The following NUP214 variants were observed in gnomAD, a reference collection of about 807,000 sequenced individuals.
NUP214 encodes the protein nucleoporin 214, also known as nuclear pore complex protein Nup214.
A neutral mutation model predicts 196.2 loss-of-function variants in NUP214; 79 were observed. That is an observed-to-expected ratio of 0.40 (90% CI 0.34 to 0.49). NUP214 has a LOEUF of 0.49. Ranked by LOEUF, NUP214 falls within the 20% of genes least tolerant of loss-of-function variation. NUP214 has a pLI of 0.58. For missense variants in NUP214, 2,468 were observed against 2,539.0 expected (o/e 0.97, Z 0.60); for synonymous variants, 1,020 against 990.5 (o/e 1.03, Z -0.56).
At chr9:131,230,437 TCCTAGAG>T in intron 33 of NUP214, 186 bp from the exon 34 acceptor site, 1 of 604,046 alleles carries the variant, frequency 1.7e-6, no homozygotes, top group African/African-American at 1.9e-5. Flanking sequence ...CCATTTTTCT[TCCTAGAG>T]CAGAGATAAA....
At chr9:131,170,806 T>TATC (rs1832935092) in intron 21 of NUP214, among the ~76,000 whole-genome samples, 2 of 150,762 alleles carry the variant, frequency 1.3e-5, no homozygotes, top group African/African-American at 4.9e-5. Flanking sequence ...TTATTATCAT[T>TATC]ATTATTATTA....
intron 17 of NUP214, among the ~76,000 whole-genome samples, chr9:131,157,253 C>T (rs1030685151): frequency 3.3e-5 from 5 of 151,892 alleles, no homozygotes; most frequent in East Asian, 3.9e-4. Flanking sequence ...GCCTCGAACT[C>T]GGGCTCAAGT....
At chr9:131,215,397 T>C in intron 31 of NUP214, 29 bp downstream of exon 31, 1 of 1,529,370 alleles carries the variant, frequency 6.5e-7, no homozygotes, top group Non-Finnish European at 8.8e-7. Flanking sequence ...TCCCAGTCCC[T>C]TGGTCCCCTA....
Position 131,197,285 on chromosome 9 carries a change from C to T in NUP214, c.3791C>T (p.Ser1264Phe). Residue 1264 changes from serine to phenylalanine, a missense_variant, in exon 29 of 36, where the codon TCT (serine) becomes TTT (phenylalanine). Coordinates refer to ENST00000359428, the MANE Select transcript of NUP214 (RefSeq NM_005085.4). Reference sequence around the variant, plus strand: ...TCATCTGGTGGGGGAAGCAAACCTTCTTATGAGGCCATTCCTGAAAGCTCA... The same window carrying T: ...TCATCTGGTGGGGGAAGCAAACCTTTTTATGAGGCCATTCCTGAAAGCTCA... ...AFSSGGGSKP[S>F]YEAIPESSPP... 6.2e-7 allele frequency: 1 copy of T among 1,613,974 alleles called. No homozygotes were observed. Among genetic ancestry groups the T allele is most frequent in the Middle Eastern group, 1.6e-4 (1 of 6,062 alleles).
At chr9:131,129,784 TG>T (rs1831474807) in intron 4 of NUP214, among the ~76,000 whole-genome samples, 1 of 151,818 alleles carries the variant, frequency 6.6e-6, no homozygotes, top group Non-Finnish European at 1.5e-5. Context: ...TTGTATTTTT[TG>T]TAGAGACAAG....
At position 131,127,714 on chromosome 9, in the gene NUP214, A is replaced by G; in HGVS notation, c.236A>G (p.Lys79Arg). The G allele has an allele frequency of 1.2e-6, 2 of 1,612,538 alleles. No homozygotes were observed. Among genetic ancestry groups the G allele is most frequent in the Non-Finnish European group, 1.7e-6 (2 of 1,178,738 alleles). ...IQNKPGDDPN[K>R]IVDKVQGLLV... Reference sequence around the variant, plus strand: ...AATAAACCCGGAGATGATCCCAACAAAATAGGTAAGTTCCCTGGTTTATGT... The same window carrying G: ...AATAAACCCGGAGATGATCCCAACAGAATAGGTAAGTTCCCTGGTTTATGT... Residue 79 changes from lysine (K) to arginine (R), a missense_variant, in exon 2 of 36, where the codon AAA (lysine) becomes AGA (arginine). Coordinates refer to ENST00000359428, the MANE Select transcript of NUP214 (RefSeq NM_005085.4).
At chr9:131,189,341 A>G (rs4740419) in intron 26 of NUP214, among the ~76,000 whole-genome samples, 18,728 of 152,250 alleles carry the variant, frequency 0.12, 1,442 homozygotes, top group East Asian at 0.23. Context: ...ATGCCCTTCA[A>G]TGGCTATGTA....
intron 24 of NUP214, among the ~76,000 whole-genome samples, chr9:131,180,666 C>G (rs1833247864): frequency 6.6e-6 from 1 of 152,130 alleles, no homozygotes; most frequent in Non-Finnish European, 1.5e-5. Flanking sequence ...TATTCAAATT[C>G]CTTTGCAGTG....
rs753941724 is a variant in NUP214, at chr9:131,195,226, T to C, written c.3660-7T>C. ...TCCTTTTTAATTTCTCTTTTTCCAC[T>C]TGTTAGGACTGGCTTTAATTTTGGG... is the stretch of plus-strand genomic sequence containing the variant. On this transcript the variant is annotated splice_polypyrimidine_tract_variant and splice_region_variant and intron_variant, in intron 27 of 35. Coordinates refer to ENST00000359428, the MANE Select transcript of NUP214 (RefSeq NM_005085.4). The C allele has an allele frequency of 1.9e-5, 31 of 1,601,422 alleles. No individual in the cohort carries two copies. The highest frequency in any genetic ancestry group is 3.3e-4 in the Middle Eastern group (2 of 6,046).
intron 30 of NUP214, among the ~76,000 whole-genome samples, chr9:131,208,466 G>A (rs879500797): frequency 6.6e-6 from 1 of 152,238 alleles, no homozygotes; most frequent in Non-Finnish European, 1.5e-5. Flanking sequence ...GGGAGGCTGA[G>A]GCGGGCGGAT....
intron 21 of NUP214, chr9:131,165,404 T>G (rs1832759574): frequency 6.6e-6 from 1 of 152,264 alleles, no homozygotes; most frequent in Non-Finnish European, 1.5e-5. Flanking sequence ...AAATTGAGAT[T>G]ATAACAGTTT....
intron 30 of NUP214, among the ~76,000 whole-genome samples, chr9:131,204,999 CA>C (rs1427422342): frequency 6.6e-6 from 1 of 151,878 alleles, no homozygotes; most frequent in Non-Finnish European, 1.5e-5. Flanking sequence ...CTAAATCCAG[CA>C]AAAAAATATC....
In NUP214 at chr9:131,127,705, A is replaced by G; in HGVS notation, c.227A>G (p.Asp76Gly). 6.2e-7 allele frequency: 1 copy of G among 1,613,558 alleles called. No individual in the cohort carries two copies. The highest frequency in any genetic ancestry group is 2.2e-5 in the East Asian group (1 of 44,874). The change falls in exon 2 of 36, where the codon GAT becomes GGT. Residue 76 changes from aspartate to glycine, a missense_variant. By Grantham distance (94) the Asp-to-Gly change is moderately conservative. This residue lies in a region of NUP214 where 392 missense variants were observed against 417.9 expected (regional missense o/e 0.94). Coordinates refer to ENST00000359428, the MANE Select transcript of NUP214 (RefSeq NM_005085.4). ...NLLIQNKPGD[D>G]PNKIVDKVQG... ...CTTATTCAAAATAAACCCGGAGATG[A>G]TCCCAACAAAATAGGTAAGTTCCCT...
intron 11 of NUP214, among the ~76,000 whole-genome samples, chr9:131,141,328 G>A (rs1443475877): frequency 6.6e-6 from 1 of 152,042 alleles, no homozygotes; most frequent in African/African-American, 2.4e-5. Flanking sequence ...AGTAATAGAT[G>A]TTTATTGAAG....
At chr9:131,200,850 A>G (rs1300738484) in intron 29 of NUP214, among the ~76,000 whole-genome samples, 3 of 152,050 alleles carry the variant, frequency 2.0e-5, no homozygotes, top group Non-Finnish European at 4.4e-5. Flanking sequence ...TCTGGAAGAA[A>G]GATAAACTAC....
In NUP214 at chr9:131,144,688, C is replaced by T; in HGVS notation, c.1703C>T (p.Pro568Leu). The T allele has an allele frequency of 6.2e-7, 1 of 1,614,128 alleles. No individual in the cohort carries two copies. The highest frequency in any genetic ancestry group is 8.5e-7 in the Non-Finnish European group (1 of 1,179,986). The change falls in exon 12 of 36, where the codon CCA (proline) becomes CTA (leucine). Residue 568 changes from proline (P) to leucine (L), a missense_variant. Pro to Leu is a moderately conservative substitution (Grantham distance 98). Coordinates refer to ENST00000359428, the MANE Select transcript of NUP214 (RefSeq NM_005085.4). ...ACACCAGTGCCAAGTGTGTCTGCTC[C>T]AAATATAGCAATGAAGCCCTCCTTC... ...ESTPVPSVSA[P>L]NIAMKPSFPP...
chr9:131,131,882 T>G (rs985318637), intron 5 of NUP214, among the ~76,000 whole-genome samples: 6 of 151,622 alleles, frequency 4.0e-5, no homozygotes, highest in African/African-American at 1.2e-4. Flanking sequence ...AGAGATAGGG[T>G]TTTGCCATGT....
rs1359954924 is a variant in NUP214, at chr9:131,184,775, G to A, written c.3420-2514G>A. 7.2e-5 allele frequency among the ~76,000 whole-genome samples: 11 copies of A among 152,346 alleles called. No individual in the cohort carries two copies. In the East Asian group the frequency reaches 1.2e-3, roughly 16 times the overall value. ...ACTTTTGGATACTATTTTAAAGAAT[G>A]TGTCTTTGAAGACATTAAATTTACC... On this transcript the variant is annotated intron_variant, in intron 24 of 35. Transcript: ENST00000359428.
intron 27 of NUP214, 97 bp from the exon 28 acceptor site, chr9:131,195,136 G>A (rs1833736953): frequency 1.2e-6 from 1 of 834,458 alleles, no homozygotes; most frequent in Non-Finnish European, 1.9e-6. Context: ...AAATTCCTGA[G>A]GGCGGTTTGT....
Sources: allele counts gnomAD v4.1 joint callset (sites outside exome capture counted in the v4.1 genomes callset), GRCh38; gene constraint gnomAD v4.1.1; regional missense constraint gnomAD v4.1.1; transcripts MANE v1.5; gene names NCBI Gene and HGNC (gene_info 2026-07-23, HGNC 2026-07-21).